Variants in BTBD7 observed in about 807,000 individuals in gnomAD.
The protein encoded by BTBD7 is BTB domain containing 7.
BTBD7 carries 38 observed loss-of-function variants against 99.9 expected under a neutral mutation model. The ratio of observed to expected loss-of-function variants is 0.38; its 90% CI spans 0.29 to 0.50. BTBD7 has a LOEUF of 0.50. BTBD7 is among the 20% of genes least tolerant of loss of function. The probability of loss-of-function intolerance (pLI) is 0.93; values close to 1 mark genes in which losing one functional copy is unlikely to be tolerated. For synonymous variants in BTBD7, 520 were observed against 511.4 expected (o/e 1.02, Z -0.23); for missense variants, 1,170 against 1,394.6 (o/e 0.84, Z 2.57).
At chr14:93,252,239 G>T (rs1170194263) in intron 7 of BTBD7, among the ~76,000 whole-genome samples, 1 of 151,716 alleles carries the variant, frequency 6.6e-6, no homozygotes, top group East Asian at 1.9e-4. Context: ...GAACTCGGGA[G>T]GAGAAGGTTG....
At chr14:93,258,736 C>T (rs1462134890) in intron 5 of BTBD7, among the ~76,000 whole-genome samples, 1 of 152,174 alleles carries the variant, frequency 6.6e-6, no homozygotes, top group Non-Finnish European at 1.5e-5. Flanking sequence ...AGGCACCCGC[C>T]ACCACACGCA....
At chr14:93,310,576 C>T (rs1321239466) in intron 1 of BTBD7, among the ~76,000 whole-genome samples, 1 of 152,034 alleles carries the variant, frequency 6.6e-6, no homozygotes, top group Non-Finnish European at 1.5e-5. Context: ...GAAACCCCAT[C>T]TCTACTAAAA....
intron 3 of BTBD7, among the ~76,000 whole-genome samples, chr14:93,285,120 G>A (rs1010253490): frequency 6.6e-6 from 1 of 152,234 alleles, no homozygotes; most frequent in Admixed American, 6.5e-5. Flanking sequence ...GACAATTATA[G>A]ACAGAAGTAA....
In BTBD7 at chr14:93,332,906, C is replaced by T; in HGVS notation, c.-193G>A. ...GCCGCCACCAGCACCGCCGTCCGCA[C>T]CGGCGCCAGCACCCCCGGCCATCCT... On this transcript the variant is annotated 5_prime_UTR_variant, in exon 1 of 11. In the 5' UTR this introduces an upstream ATG that the reference lacks. Transcript: ENST00000334746. 7.5e-7 allele frequency: 1 copy of T among 1,331,222 alleles called. No individual in the cohort carries two copies. The highest frequency in any genetic ancestry group is 9.9e-7 in the Non-Finnish European group (1 of 1,005,480). The allele number at this position is 1,331,222 out of a possible 1,614,324, so 82.5% of individuals were successfully genotyped here. A position where few individuals can be genotyped will look rare whatever the true frequency, so the allele number is the denominator to read the frequency against.
rs180892022 is a variant in BTBD7 at position 93,241,493 on chromosome 14, C to T, written c.*780G>A. ...CCAAGGGATGCGATCTGTTTAGAGC[C>T]TCATCTGGTGACTCTAATCCTTATG... On this transcript the variant is annotated 3_prime_UTR_variant, in exon 11 of 11. Transcript: ENST00000334746. 6.6e-6 allele frequency: 1 copy of T among 152,304 alleles called. No individual in the cohort carries two copies. Among genetic ancestry groups the T allele is most frequent in the African/African-American group, 2.4e-5 (1 of 41,522 alleles). The allele number at this position is 152,304 out of a possible 1,614,324, so 9.4% of individuals were successfully genotyped here. A position where few individuals can be genotyped will look rare whatever the true frequency, so the allele number is the denominator to read the frequency against.
At chr14:93,273,027 A>G (rs1330738833) in intron 3 of BTBD7, among the ~76,000 whole-genome samples, 1 of 152,160 alleles carries the variant, frequency 6.6e-6, no homozygotes, top group African/African-American at 2.4e-5. Context: ...GGGAGGAGAC[A>G]CCCAGCAAAG....
rs1355956619 is a variant in BTBD7, at chr14:93,241,887, A to G, written c.*386T>C. 4.7e-6 allele frequency: 1 copy of G among 211,810 alleles called. No individual in the cohort carries two copies. Among genetic ancestry groups the G allele is most frequent in the East Asian group, 1.1e-4 (1 of 9,286 alleles). 13.1% of individuals were successfully genotyped at this position (211,810 alleles called of 1,614,324 possible). A position where few individuals can be genotyped will look rare whatever the true frequency, so the allele number is the denominator to read the frequency against. On this transcript the variant is annotated 3_prime_UTR_variant, in exon 11 of 11. Coordinates refer to ENST00000334746, the MANE Select transcript of BTBD7 (RefSeq NM_001002860.4). ...GATTGGTAGATGAAAGGTAAAATGC[A>G]AAAAAGTATGAAAATACAGTCCTTT...
At chr14:93,308,351 C>T (rs2053096729) in intron 1 of BTBD7, among the ~76,000 whole-genome samples, 1 of 151,398 alleles carries the variant, frequency 6.6e-6, no homozygotes, top group Admixed American at 6.6e-5. Flanking sequence ...AAAGATTTCC[C>T]AGCAAAAAGC....
rs1177277486 is a variant in BTBD7 at position 93,294,144 on chromosome 14, T to C, written c.876A>G (p.Leu292=). Residue 292 remains leucine, a synonymous_variant, in exon 3 of 11, where the codon TTA becomes TTG. Coordinates refer to ENST00000334746, the MANE Select transcript of BTBD7 (RefSeq NM_001002860.4). ...SARSPFFRNL[L]QRRIRTGEEI... Reference sequence around the variant, plus strand: ...CTTCACCAGTTCGTATCCTCCTTTGTAATAAATTTCGAAAAAATGGGGACC... The same window carrying C: ...CTTCACCAGTTCGTATCCTCCTTTGCAATAAATTTCGAAAAAATGGGGACC... 1.2e-5 allele frequency: 20 copies of C among 1,614,094 alleles called. No homozygotes were observed. The highest frequency in any genetic ancestry group is 2.2e-5 in the South Asian group (2 of 91,088).
chr14:93,328,023 C>A (rs1007344469), intron 1 of BTBD7, among the ~76,000 whole-genome samples: 1 of 152,066 alleles, frequency 6.6e-6, no homozygotes, highest in Non-Finnish European at 1.5e-5. Context: ...ATCCTATCTA[C>A]AATCACATCA....
intron 1 of BTBD7, among the ~76,000 whole-genome samples, chr14:93,329,956 T>G (rs1321470993): frequency 2.0e-5 from 3 of 152,194 alleles, no homozygotes; most frequent in Non-Finnish European, 4.4e-5. Context: ...GATGGTAAAT[T>G]GTATGTGGAT....
At chr14:93,283,516 T>C (rs2052744370) in intron 3 of BTBD7, among the ~76,000 whole-genome samples, 1 of 152,236 alleles carries the variant, frequency 6.6e-6, no homozygotes, top group African/African-American at 2.4e-5. Flanking sequence ...TTAAAAGCCA[T>C]ATAACAAGCT....
At chr14:93,301,213 C>T (rs991271742) in intron 1 of BTBD7, among the ~76,000 whole-genome samples, 3 of 150,320 alleles carry the variant, frequency 2.0e-5, no homozygotes, top group African/African-American at 7.3e-5. Context: ...TTTTTTGAGA[C>T]AGAATTTCAT....
rs1412383697 is a variant in BTBD7 at position 93,332,925 on chromosome 14, C to T, written c.-212G>A. 1.1e-5 allele frequency: 12 copies of T among 1,093,868 alleles called. No homozygotes were observed. The highest frequency in any genetic ancestry group is 1.5e-5 in the Non-Finnish European group (12 of 826,598). 67.8% of individuals were successfully genotyped at this position (1,093,868 alleles called of 1,614,324 possible). A position where few individuals can be genotyped will look rare whatever the true frequency, so the allele number is the denominator to read the frequency against. On this transcript the variant is annotated 5_prime_UTR_variant, in exon 1 of 11. Transcript: ENST00000334746. Reference sequence around the variant, plus strand: ...TCCGCACCGGCGCCAGCACCCCCGGCCATCCTCCTCCCACCGCCGCCGCCG... The same window carrying T: ...TCCGCACCGGCGCCAGCACCCCCGGTCATCCTCCTCCCACCGCCGCCGCCG...
At chr14:93,266,212 T>C (rs1045846675) in intron 3 of BTBD7, among the ~76,000 whole-genome samples, 4 of 152,136 alleles carry the variant, frequency 2.6e-5, no homozygotes, top group African/African-American at 9.7e-5. Flanking sequence ...ATGGCTGTTA[T>C]AGATCTGAAG....
intron 10 of BTBD7, chr14:93,244,113 C>T: frequency 2.1e-6 from 1 of 484,792 alleles, no homozygotes; most frequent in South Asian, 1.5e-5. Flanking sequence ...CTCTGTATGC[C>T]CAGGGAAAGC....
Position 93,245,936 on chromosome 14 carries a change from C to T in BTBD7, c.2472G>A (p.Pro824=), listed in dbSNP as rs558241574. 19 of 1,614,074 alleles carry T rather than the reference C, an allele frequency of 1.2e-5. No homozygotes were observed. In the East Asian group the frequency reaches 2.5e-4, roughly 21 times the overall value. Residue 824 remains proline (P), a synonymous_variant, in exon 10 of 11, where the codon CCG becomes CCA. Transcript: ENST00000334746. ...GTCCTGCAGTGCTGGTACAATCAGG[C>T]GGTGCAGCTTTCACACTCGGCAAGT... ...PVYLPSVKAA[P]PDCTSTAGLG...
rs192623131 is a variant in BTBD7 at position 93,260,981 on chromosome 14, C to T, written c.1447+621G>A. 3.3e-5 allele frequency among the ~76,000 whole-genome samples: 5 copies of T among 152,256 alleles called. No individual in the cohort carries two copies. The East Asian group carries it at 7.7e-4, about 23-fold the overall frequency. On this transcript the variant is annotated intron_variant, in intron 5 of 10. Transcript: ENST00000334746. ...TCTCAGCTCACTGCAACCTCTGCCT[C>T]CCAGGTTCAAGTGATTCTCATGCCT...
At chr14:93,287,874 G>C (rs977979861) in intron 3 of BTBD7, 2 of 152,238 alleles carry the variant, frequency 1.3e-5, no homozygotes, top group African/African-American at 4.8e-5. Context: ...CCCAGCAGCT[G>C]CCTGAGTGGG....
Sources: gnomAD v4.1 joint callset for allele counts (sites outside exome capture counted in the v4.1 genomes callset) on GRCh38, gnomAD v4.1.1 for gene constraint, MANE v1.5 for transcripts, NCBI Gene and HGNC (gene_info 2026-07-23, HGNC 2026-07-21) for gene names.